Variants in ATP10A observed in about 807,000 individuals in gnomAD.
ATP10A encodes ATPase phospholipid transporting 10A (putative), also known as phospholipid-transporting ATPase VA.
Under a neutral mutation model 147.8 loss-of-function variants are expected in ATP10A, and 111 were observed. The observed-to-expected ratio is 0.75, with a 90% CI of 0.64 to 0.88. ATP10A has a LOEUF of 0.88. Ranked by LOEUF, ATP10A falls within the 40% of genes least tolerant of loss-of-function variation. The probability of loss-of-function intolerance (pLI) is 0.00; values close to 1 mark genes in which losing one functional copy is unlikely to be tolerated. For missense variants in ATP10A, 1,927 were observed against 1,959.0 expected, an observed-to-expected ratio of 0.98 and a Z score of 0.31; for synonymous variants, 875 against 841.6, an observed-to-expected ratio of 1.04 and a Z score of -0.69.
chr15:25,755,017 C>T (rs1414962713), intron 2 of ATP10A, among the ~76,000 whole-genome samples: 1 of 152,172 alleles, frequency 6.6e-6, no homozygotes, highest in Non-Finnish European at 1.5e-5. Context: ...CATACCCTAT[C>T]CCACTTTGTC....
At chr15:25,855,343 T>A (rs1893466882) in intron 1 of ATP10A, among the ~76,000 whole-genome samples, 1 of 152,182 alleles carries the variant, frequency 6.6e-6, no homozygotes, top group Admixed American at 6.5e-5. Flanking sequence ...AATCAATTAA[T>A]GAGTATATGT....
rs143229441 is a variant in ATP10A, at chr15:25,687,642, C to T, written c.3291+61G>A. The T allele has an allele frequency of 1.9e-4, 226 of 1,177,998 alleles. No individual in the cohort carries two copies. In the East Asian group the frequency reaches 9.8e-3, roughly 51 times the overall value. The allele number at this position is 1,177,998 out of a possible 1,614,324, so 73.0% of individuals were successfully genotyped here. ...TCCATCCTCCTTCGCCTCATTCAGG[C>T]GATGGTCCTAAGAACCGAACCTTCC... On this transcript the variant is annotated intron_variant, in intron 16 of 20. Transcript: ENST00000555815.
At chr15:25,853,356 GA>G in intron 1 of ATP10A, among the ~76,000 whole-genome samples, 1 of 152,334 alleles carries the variant, frequency 6.6e-6, no homozygotes, top group Admixed American at 6.5e-5. Context: ...ACCATGTTGT[GA>G]CCAGCAGGAG....
chr15:25,725,104 C>T (rs7163744), intron 5 of ATP10A, among the ~76,000 whole-genome samples: 145,336 of 152,218 alleles, frequency 0.95, 69,557 homozygotes, highest in South Asian at 0.99. Flanking sequence ...AGCCCCGTCT[C>T]CCGTCAGATC....
At chr15:25,757,719 G>T (rs146001984) in intron 2 of ATP10A, among the ~76,000 whole-genome samples, 1 of 152,306 alleles carries the variant, frequency 6.6e-6, no homozygotes, top group African/African-American at 2.4e-5. Context: ...TGTTAGATAT[G>T]AGTTCTAAAT....
At chr15:25,734,824 A>C (rs1364176113) in intron 3 of ATP10A, among the ~76,000 whole-genome samples, 1 of 152,062 alleles carries the variant, frequency 6.6e-6, no homozygotes, top group Non-Finnish European at 1.5e-5. Context: ...TGCTGTGCAG[A>C]GTTCACTTCC....
chr15:25,724,049 A>C, intron 5 of ATP10A, 28 bp from the exon 6 acceptor site: 1 of 1,478,268 alleles, frequency 6.8e-7, no homozygotes, highest in Non-Finnish European at 9.0e-7. Flanking sequence ...GAGAAATGTC[A>C]TTCATCCAAT....
At chr15:25,799,122 G>A (rs996056761) in intron 1 of ATP10A, among the ~76,000 whole-genome samples, 1 of 152,054 alleles carries the variant, frequency 6.6e-6, no homozygotes. Flanking sequence ...ATCCTAACTC[G>A]GGGGCCATCC....
chr15:25,747,817 T>C (rs967376805), intron 2 of ATP10A, among the ~76,000 whole-genome samples: 6 of 152,150 alleles, frequency 3.9e-5, no homozygotes, highest in Non-Finnish European at 5.9e-5. Context: ...GAGGAAGAAA[T>C]AACATTCACT....
chr15:25,739,513 A>G (rs1439798861), intron 2 of ATP10A, among the ~76,000 whole-genome samples: 1 of 152,196 alleles, frequency 6.6e-6, no homozygotes, highest in African/African-American at 2.4e-5. Context: ...CTGTTGCCCT[A>G]TAAGTCCACA....
At chr15:25,788,525 G>A (rs1890273273) in intron 1 of ATP10A, among the ~76,000 whole-genome samples, 1 of 152,186 alleles carries the variant, frequency 6.6e-6, no homozygotes, top group South Asian at 2.1e-4. Context: ...GAGAGGCCGT[G>A]GCCACTATTT....
chr15:25,700,630 T>A (rs1489008818), intron 13 of ATP10A, among the ~76,000 whole-genome samples: 2 of 152,156 alleles, frequency 1.3e-5, no homozygotes, highest in Non-Finnish European at 2.9e-5. Context: ...AAGACAAAAC[T>A]GTAGTTCTGG....
chr15:25,831,246 A>G (rs991260316), intron 1 of ATP10A, among the ~76,000 whole-genome samples: 15 of 152,150 alleles, frequency 9.9e-5, no homozygotes, highest in Non-Finnish European at 1.6e-4. Context: ...TCCACCCCGT[A>G]TGAGATTCTC....
intron 20 of ATP10A, 67 bp downstream of exon 20, chr15:25,680,054 A>G: frequency 1.3e-6 from 2 of 1,588,538 alleles, no homozygotes; most frequent in South Asian, 1.1e-5. Flanking sequence ...CACATAGAGC[A>G]GAAGCAATGC....
Position 25,727,218 on chromosome 15 carries a change from C to T in ATP10A, c.789G>A (p.Leu263=), listed in dbSNP as rs764787442. The T allele has an allele frequency of 1.2e-6, 2 of 1,614,034 alleles. No individual in the cohort carries two copies. Among genetic ancestry groups the T allele is most frequent in the Admixed American group, 3.3e-5 (2 of 59,992 alleles). The change falls in exon 4 of 21, where the codon CTG becomes CTA. Residue 263 remains leucine (L), a synonymous_variant. Transcript: ENST00000555815. ...KKAGLYKENL[L]LRGCTLRNTD... is the part of the protein sequence containing the mutation. ...TGTTCCTAAGGGTGCAGCCCCTCAG[C>T]AGCAGGTTTTCTTTATACAGCCCGG... is the stretch of plus-strand genomic sequence containing the variant.
chr15:25,747,024 C>T (rs371455014), intron 2 of ATP10A, among the ~76,000 whole-genome samples: 4 of 152,144 alleles, frequency 2.6e-5, no homozygotes, highest in Non-Finnish European at 5.9e-5. Flanking sequence ...GGCTGGCTCA[C>T]GCCTGTAATC....
At chr15:25,820,550 C>T (rs576864245) in intron 1 of ATP10A, among the ~76,000 whole-genome samples, 1 of 152,026 alleles carries the variant, frequency 6.6e-6, no homozygotes, top group Non-Finnish European at 1.5e-5. Context: ...TGAAAACACA[C>T]AAGAAAACAA....
chr15:25,745,440 GGCCAAGCACAGTGGC>G (rs1294760515), intron 2 of ATP10A, among the ~76,000 whole-genome samples: 2 of 151,980 alleles, frequency 1.3e-5, no homozygotes, highest in African/African-American at 4.8e-5. Context: ...AAGAGAAGGA[GGCCAAGCACAGTGGC>G]TCATGCCTGT....
chr15:25,718,322 G>A lies in ATP10A; in HGVS notation c.1441C>T (p.Arg481Cys), dbSNP rs149355122. 113 of 1,611,114 alleles carry A rather than the reference G, an allele frequency of 7.0e-5. 1 individual carries two copies. The Middle Eastern group carries it at 1.2e-3, about 17-fold the overall frequency. ...VVPRGGSVSQ[R>C]GSIGSHQSVR... Reference sequence around the variant, plus strand: ...CTCTGGTGGCTGCCGATGCTGCCGCGCTGGGACACCGAGCCCCCTCTGGGC... The same window carrying A: ...CTCTGGTGGCTGCCGATGCTGCCGCACTGGGACACCGAGCCCCCTCTGGGC... The change falls in exon 8 of 21, where the codon CGC becomes TGC. Residue 481 changes from arginine (R) to cysteine (C), a missense_variant. Physicochemically the swap from Arg to Cys is radical, Grantham distance 180. Coordinates refer to ENST00000555815, the MANE Select transcript of ATP10A (RefSeq NM_024490.4).
Sources: allele counts gnomAD v4.1 joint callset (sites outside exome capture counted in the v4.1 genomes callset), GRCh38; gene constraint gnomAD v4.1.1; transcripts MANE v1.5; gene names NCBI Gene and HGNC (gene_info 2026-07-23, HGNC 2026-07-21).